Variants in IMMP2L observed in about 807,000 individuals in gnomAD.
IMMP2L encodes mitochondrial inner membrane protease subunit 2.
A neutral mutation model predicts 19.3 loss-of-function variants in IMMP2L; 18 were observed. The observed-to-expected ratio is 0.93, with a 90% confidence interval of 0.64 to 1.38. The LOEUF (loss-of-function observed/expected upper bound fraction) is 1.38, where lower values mean the gene tolerates loss of function less well. IMMP2L is among the 40% of genes most tolerant of loss of function. The probability of loss-of-function intolerance (pLI) is 0.00; values close to 1 mark genes in which losing one functional copy is unlikely to be tolerated. For missense variants in IMMP2L, 233 were observed against 218.2 expected (o/e 1.07, Z -0.43); for synonymous variants, 76 against 73.0 (o/e 1.04, Z -0.21).
intron 3 of IMMP2L, among the ~76,000 whole-genome samples, chr7:111,141,974 G>C (rs1358682682): frequency 1.3e-5 from 2 of 152,160 alleles, no homozygotes; most frequent in African/African-American, 4.8e-5. Context: ...AAAGTGCTAG[G>C]ATTGCAGGCA....
intron 4 of IMMP2L, among the ~76,000 whole-genome samples, chr7:110,946,688 T>G (rs2129553603): frequency 6.6e-6 from 1 of 151,330 alleles, no homozygotes; most frequent in East Asian, 1.9e-4. Context: ...GACATTAACA[T>G]ATTAAAACTG....
At chr7:111,307,522 G>A (rs1823010893) in intron 3 of IMMP2L, among the ~76,000 whole-genome samples, 1 of 151,530 alleles carries the variant, frequency 6.6e-6, no homozygotes, top group South Asian at 2.1e-4. Flanking sequence ...GTTCCAGAGT[G>A]ATACTTCTCA....
chr7:111,445,645 G>C (rs1438476035), intron 3 of IMMP2L, among the ~76,000 whole-genome samples: 1 of 152,158 alleles, frequency 6.6e-6, no homozygotes, highest in East Asian at 1.9e-4. Context: ...CTTTTATGGA[G>C]TGCTAAAAGG....
At chr7:111,154,520 A>C (rs1392426218) in intron 3 of IMMP2L, among the ~76,000 whole-genome samples, 1 of 152,204 alleles carries the variant, frequency 6.6e-6, no homozygotes, top group Non-Finnish European at 1.5e-5. Flanking sequence ...TTGTTATATT[A>C]GACTTTCAAA....
At chr7:110,705,064 T>A (rs185743343) in intron 5 of IMMP2L, among the ~76,000 whole-genome samples, 1 of 152,026 alleles carries the variant, frequency 6.6e-6, no homozygotes, top group African/African-American at 2.4e-5. Flanking sequence ...GAAATAATCA[T>A]AGAAAATTAA....
chr7:111,111,875 A>G (rs988237218), intron 3 of IMMP2L, among the ~76,000 whole-genome samples: 11 of 150,118 alleles, frequency 7.3e-5, no homozygotes, highest in African/African-American at 1.2e-4. Flanking sequence ...AAGTTAAGTT[A>G]GGTGACAGGA....
At chr7:111,337,443 TGGATGGAA>T (rs1826544029) in intron 3 of IMMP2L, among the ~76,000 whole-genome samples, 1 of 142,426 alleles carries the variant, frequency 7.0e-6, no homozygotes, top group Non-Finnish European at 1.5e-5. Flanking sequence ...TTAAGTTATT[TGGATGGAA>T]GGATGGATGG....
At chr7:110,868,661 A>C (rs562329345) in intron 5 of IMMP2L, among the ~76,000 whole-genome samples, 2 of 152,234 alleles carry the variant, frequency 1.3e-5, no homozygotes, top group African/African-American at 4.8e-5. Context: ...ATGAACTGGC[A>C]TTGGGCAGGC....
intron 3 of IMMP2L, among the ~76,000 whole-genome samples, chr7:111,169,718 C>G (rs564335836): frequency 6.6e-6 from 1 of 152,004 alleles, no homozygotes; most frequent in South Asian, 2.1e-4. Flanking sequence ...TTCATTTGGT[C>G]ATCTGCAAAG....
chr7:111,068,645 T>A (rs1794706193), intron 3 of IMMP2L, among the ~76,000 whole-genome samples: 1 of 152,192 alleles, frequency 6.6e-6, no homozygotes, highest in African/African-American at 2.4e-5. Context: ...GTTTTTATTA[T>A]TTATAATAGC....
chr7:110,723,990 T>C (rs1744021172), intron 5 of IMMP2L, among the ~76,000 whole-genome samples: 2 of 152,180 alleles, frequency 1.3e-5, no homozygotes, highest in African/African-American at 4.8e-5. Context: ...GTAATTTATA[T>C]GAATTATAAA....
At chr7:110,777,503 A>C (rs1799470060) in intron 5 of IMMP2L, among the ~76,000 whole-genome samples, 1 of 151,964 alleles carries the variant, frequency 6.6e-6, no homozygotes, top group African/African-American at 2.4e-5. Context: ...CGTAAATCGA[A>C]GTTTCTTTAG....
At chr7:111,250,852 G>T (rs37732) in intron 3 of IMMP2L, among the ~76,000 whole-genome samples, 85,226 of 151,946 alleles carry the variant, frequency 0.56, 24,575 homozygotes, top group South Asian at 0.71. Context: ...AAGGCAAAGA[G>T]TTTATGACAA....
At chr7:111,082,236 T>C (rs1795943212) in intron 3 of IMMP2L, among the ~76,000 whole-genome samples, 2 of 152,240 alleles carry the variant, frequency 1.3e-5, no homozygotes, top group Admixed American at 1.3e-4. Flanking sequence ...TCCTGCTTTT[T>C]CTATATGTCA....
chr7:111,477,432 T>G (rs76261873), intron 3 of IMMP2L, among the ~76,000 whole-genome samples: 3 of 152,162 alleles, frequency 2.0e-5, no homozygotes, highest in Non-Finnish European at 4.4e-5. Context: ...TGAAAAAGAA[T>G]GCATTTCTCT....
chr7:111,028,909 G>A (rs1827128274), intron 3 of IMMP2L, among the ~76,000 whole-genome samples: 2 of 152,124 alleles, frequency 1.3e-5, no homozygotes, highest in Admixed American at 6.6e-5. Flanking sequence ...TTCTTCAAAT[G>A]TCACTGGACT....
At chr7:111,212,876 T>C (rs1811481074) in intron 3 of IMMP2L, among the ~76,000 whole-genome samples, 1 of 152,180 alleles carries the variant, frequency 6.6e-6, no homozygotes, top group Admixed American at 6.5e-5. Flanking sequence ...TCTGTCCTTG[T>C]GTGGACTACC....
chr7:110,671,651 G>C (rs532473408), intron 5 of IMMP2L, among the ~76,000 whole-genome samples: 1 of 152,126 alleles, frequency 6.6e-6, no homozygotes, highest in South Asian at 2.1e-4. Flanking sequence ...AGATGCCAGG[G>C]GGACAGATGT....
intron 5 of IMMP2L, among the ~76,000 whole-genome samples, chr7:110,759,923 T>C (rs1798252613): frequency 6.6e-6 from 1 of 152,128 alleles, no homozygotes; most frequent in South Asian, 2.1e-4. Flanking sequence ...TTACTCCTTT[T>C]ACCCCTGCTG....
Sources: allele counts gnomAD v4.1 joint callset (sites outside exome capture counted in the v4.1 genomes callset), GRCh38; gene constraint gnomAD v4.1.1; transcripts MANE v1.5; gene names NCBI Gene and HGNC (gene_info 2026-07-23, HGNC 2026-07-21).